The following CDH2 variants were observed in gnomAD, a reference collection of about 807,000 sequenced individuals.
The protein encoded by CDH2 is cadherin-2.
CDH2 carries 17 observed loss-of-function variants against 92.0 expected under a neutral mutation model. That is an observed-to-expected ratio of 0.18 (90% CI 0.13 to 0.28). CDH2 has a LOEUF of 0.28. CDH2 is among the 10% of genes least tolerant of loss of function. The probability of loss-of-function intolerance (pLI) is 1.00; values close to 1 mark genes in which losing one functional copy is unlikely to be tolerated. For synonymous variants in CDH2, 419 were observed against 415.9 expected (o/e 1.01, Z -0.09); for missense variants, 862 against 1,133.1 (o/e 0.76, Z 3.44).
chr18:28,068,648 T>C (rs1377386703), intron 2 of CDH2, among the ~76,000 whole-genome samples: 1 of 152,186 alleles, frequency 6.6e-6, no homozygotes, highest in Non-Finnish European at 1.5e-5. Context: ...CTATTGACAC[T>C]TGATGTTCAC....
chr18:27,992,593 G>T, intron 9 of CDH2, 62 bp downstream of exon 9: 1 of 1,334,154 alleles, frequency 7.5e-7, no homozygotes, highest in Non-Finnish European at 1.0e-6. Flanking sequence ...AATGAGTGGG[G>T]GACATATATT....
intron 9 of CDH2, among the ~76,000 whole-genome samples, chr18:27,992,233 G>T (rs1405964027): frequency 6.6e-6 from 1 of 152,086 alleles, no homozygotes; most frequent in Non-Finnish European, 1.5e-5. Flanking sequence ...ATTCTTAATA[G>T]CTATCAATGG....
intron 2 of CDH2, among the ~76,000 whole-genome samples, chr18:28,017,001 T>A (rs1163263915): frequency 6.6e-6 from 1 of 152,174 alleles, no homozygotes. Flanking sequence ...ATCTTTTTGC[T>A]ATGCTATTGT....
rs1909508254 is a variant in CDH2, at chr18:27,952,445, GATCAAACAAAC to G, written c.2515-97_2515-87del. 3 of 1,012,108 alleles carry G rather than the reference GATCAAACAAAC, an allele frequency of 3.0e-6. No individual in the cohort carries two copies. In the Admixed American group the frequency reaches 6.1e-5, roughly 20 times the overall value. The allele number at this position is 1,012,108 out of a possible 1,614,324, so 62.7% of individuals were successfully genotyped here. On this transcript the variant is annotated intron_variant, in intron 15 of 15. Coordinates refer to ENST00000269141, the MANE Select transcript of CDH2 (RefSeq NM_001792.5). ...CAAGCAGATCCTAATGAATTCACGG[GATCAAACAAAC>G]ACTTGTTTGTAAATTTCCATTTACA...
intron 2 of CDH2, among the ~76,000 whole-genome samples, chr18:28,081,883 A>G (rs1400386036): frequency 1.3e-5 from 2 of 152,212 alleles, no homozygotes; most frequent in Non-Finnish European, 2.9e-5. Flanking sequence ...AGAACAGGGT[A>G]TTTCATCTGA....
intron 6 of CDH2, among the ~76,000 whole-genome samples, chr18:27,942,611 GT>G (rs1028719286): frequency 6.6e-6 from 1 of 152,118 alleles, no homozygotes; most frequent in Admixed American, 6.6e-5. Flanking sequence ...AAAAACAAAT[GT>G]TTTTTATCCA....
intron 2 of CDH2, among the ~76,000 whole-genome samples, chr18:28,035,902 T>C (rs951870233): frequency 6.6e-6 from 1 of 152,076 alleles, no homozygotes; most frequent in Non-Finnish European, 1.5e-5. Flanking sequence ...TCTAAGAATT[T>C]CTCTAGTAAA....
At chr18:28,154,076 C>T (rs1027060934) in intron 1 of CDH2, among the ~76,000 whole-genome samples, 12 of 152,176 alleles carry the variant, frequency 7.9e-5, no homozygotes, top group African/African-American at 2.7e-4. Context: ...CCTCTGGAAA[C>T]CTTTCTGAAC....
intron 5 of CDH2, 46 bp from the exon 6 acceptor site, chr18:28,006,039 T>C: frequency 6.8e-7 from 1 of 1,479,674 alleles, no homozygotes; most frequent in Non-Finnish European, 9.4e-7. Flanking sequence ...TTTATGTCTG[T>C]GAGAAGATAA....
chr18:28,137,065 A>C, intron 2 of CDH2, among the ~76,000 whole-genome samples: 1 of 152,262 alleles, frequency 6.6e-6, no homozygotes, highest in Non-Finnish European at 1.5e-5. Context: ...AAATAAAGGC[A>C]TATAAACAGC....
At chr18:27,957,423 T>G (rs1037408599) in intron 15 of CDH2, among the ~76,000 whole-genome samples, 2 of 57,250 alleles carry the variant, frequency 3.5e-5, no homozygotes, top group Admixed American at 2.9e-4. Flanking sequence ...CTAATTTTTG[T>G]TTTTTTTTGT....
At chr18:28,016,531 T>C (rs995921107) in intron 2 of CDH2, among the ~76,000 whole-genome samples, 4 of 152,154 alleles carry the variant, frequency 2.6e-5, no homozygotes, top group African/African-American at 9.7e-5. Flanking sequence ...ACTTATGGAA[T>C]GCCAGGCACT....
intron 2 of CDH2, among the ~76,000 whole-genome samples, chr18:28,065,332 A>T (rs2144154950): frequency 6.6e-6 from 1 of 152,314 alleles, no homozygotes; most frequent in Non-Finnish European, 1.5e-5. Context: ...ACACTCGTAT[A>T]TCAGGATACA....
intron 2 of CDH2, among the ~76,000 whole-genome samples, chr18:28,020,627 G>A (rs1188159031): frequency 6.6e-6 from 1 of 151,928 alleles, no homozygotes; most frequent in African/African-American, 2.4e-5. Flanking sequence ...ATATGAAGCA[G>A]TTTTATTATT....
At chr18:27,969,480 C>T (rs556104677) in intron 14 of CDH2, among the ~76,000 whole-genome samples, 1 of 152,316 alleles carries the variant, frequency 6.6e-6, no homozygotes, top group Admixed American at 6.5e-5. Flanking sequence ...TAAAATTACA[C>T]TTCTATTTTA....
intron 2 of CDH2, among the ~76,000 whole-genome samples, chr18:28,086,325 T>G (rs1271290669): frequency 6.6e-6 from 1 of 152,226 alleles, no homozygotes; most frequent in African/African-American, 2.4e-5. Context: ...GTTATTGTTA[T>G]GCTTAAACAT....
chr18:28,138,026 G>T (rs1241694182), intron 2 of CDH2, among the ~76,000 whole-genome samples: 1 of 151,868 alleles, frequency 6.6e-6, no homozygotes, highest in Non-Finnish European at 1.5e-5. Context: ...TTTAAAGAAT[G>T]TGTGTGTGTC....
intron 2 of CDH2, among the ~76,000 whole-genome samples, chr18:28,105,905 A>G (rs1021452342): frequency 5.9e-5 from 9 of 152,240 alleles, no homozygotes; most frequent in Non-Finnish European, 1.0e-4. Flanking sequence ...CCTCTCTACT[A>G]TGCAGATTAG....
downstream of CDH2, among the ~76,000 whole-genome samples, chr18:27,949,245 C>T (rs192614644): frequency 6.6e-6 from 1 of 151,902 alleles, no homozygotes; most frequent in African/African-American, 2.4e-5. Flanking sequence ...TTTTAGAAAG[C>T]CTTGTCTTCT....
Sources: allele counts gnomAD v4.1 joint callset (sites outside exome capture counted in the v4.1 genomes callset), GRCh38; gene constraint gnomAD v4.1.1; transcripts MANE v1.5; gene names NCBI Gene and HGNC (gene_info 2026-07-23, HGNC 2026-07-21).